The following GSDME variants were observed in gnomAD, a reference collection of about 807,000 sequenced individuals.
GSDME encodes the protein gasdermin-E.
A neutral mutation model predicts 47.5 loss-of-function variants in GSDME; 44 were observed. The observed-to-expected ratio is 0.93, with a 90% CI of 0.73 to 1.19. The LOEUF (loss-of-function observed/expected upper bound fraction) is 1.19. GSDME is among the 50% of genes most tolerant of loss of function. The pLI is 0.00. For synonymous variants in GSDME, 258 were observed against 252.8 expected (o/e 1.02, Z -0.20); for missense variants, 663 against 604.2 (o/e 1.10, Z -1.02).
In GSDME at chr7:24,745,981, G is replaced by A. The variant is rs1790654853; in HGVS notation, c.212-1227C>T. ...CATTGTCCTGACCCAAGGCTCTCCT[G>A]GGCTCCCGGCTGCCCTTCACAGGGG... On this transcript the variant is annotated intron_variant, in intron 2 of 9. Transcript: ENST00000645220. This position sits in a 1 kb window ranked among gnomAD's most constrained non-coding sequence, Gnocchi z 4.4. 6.6e-6 allele frequency among the ~76,000 whole-genome samples: 1 copy of A among 152,130 alleles called. No individual in the cohort carries two copies.
At chr7:24,760,679 C>T (rs945737892), upstream of GSDME, among the ~76,000 whole-genome samples, 15 of 151,754 alleles carry the variant, frequency 9.9e-5, no homozygotes, top group African/African-American at 3.7e-4. The surrounding 1 kb of genome is among the most constrained non-coding windows in gnomAD (Gnocchi z 4.2). Flanking sequence ...AGGAACATAG[C>T]TACTAACATA....
chr7:24,789,690 T>C, the GSDME span, among the ~76,000 whole-genome samples: 2 of 152,246 alleles, frequency 1.3e-5, no homozygotes, highest in African/African-American at 4.8e-5. Flanking sequence ...TTGCTGCTTC[T>C]TTCTTTGGAG....
intron 4 of GSDME, among the ~76,000 whole-genome samples, chr7:24,718,516 C>T (rs1364218383): frequency 1.3e-5 from 2 of 152,226 alleles, no homozygotes; most frequent in Admixed American, 6.5e-5. Flanking sequence ...GTGAGAGCCC[C>T]AGCTCTGAGA....
the GSDME span, among the ~76,000 whole-genome samples, chr7:24,788,078 A>T: frequency 1.3e-5 from 2 of 152,238 alleles, no homozygotes. The surrounding 1 kb of genome is among the most constrained non-coding windows in gnomAD (Gnocchi z 4.6). Flanking sequence ...GCACTGAACA[A>T]ATTCTACCCT....
At chr7:24,758,649 C>A (rs1353904891), upstream of GSDME, among the ~76,000 whole-genome samples, 1 of 152,180 alleles carries the variant, frequency 6.6e-6, no homozygotes, top group East Asian at 1.9e-4. The surrounding 1 kb of genome is among the most constrained non-coding windows in gnomAD (Gnocchi z 4.6). Flanking sequence ...CCTTGGGCCC[C>A]GCTATGCTTT....
the GSDME span, among the ~76,000 whole-genome samples, chr7:24,766,290 C>CTTTATTTA: frequency 0.018 from 2,745 of 150,360 alleles, 80 homozygotes; most frequent in African/African-American, 0.06. This position sits in a 1 kb window ranked among gnomAD's most constrained non-coding sequence, Gnocchi z 4.2. Context: ...CTGCACAACA[C>CTTTATTTA]TTTATTTATT....
At chr7:24,791,198 C>A in the GSDME span, among the ~76,000 whole-genome samples, 1 of 152,008 alleles carries the variant, frequency 6.6e-6, no homozygotes, top group African/African-American at 2.4e-5. This position sits in a 1 kb window ranked among gnomAD's most constrained non-coding sequence, Gnocchi z 4.8. Context: ...TCCTTTTCAC[C>A]GTGGCTGCAA....
At chr7:24,706,577 C>T (rs892733138) in intron 7 of GSDME, among the ~76,000 whole-genome samples, 1 of 152,212 alleles carries the variant, frequency 6.6e-6, no homozygotes, top group Non-Finnish European at 1.5e-5. Flanking sequence ...TGAACCTGGC[C>T]CACGAGGGTT....
At chr7:24,750,595 A>G (rs552669822) in intron 1 of GSDME, among the ~76,000 whole-genome samples, 1 of 152,220 alleles carries the variant, frequency 6.6e-6, no homozygotes, top group Non-Finnish European at 1.5e-5. Flanking sequence ...TCTGGGTGAC[A>G]GTGCAAGATT....
At position 24,735,141 on chromosome 7, in the gene GSDME, C is replaced by A. The variant is rs1790262169; in HGVS notation, c.404+9421G>T. Among the ~76,000 whole-genome samples, 1 of 152,150 alleles carries A rather than the reference C, an allele frequency of 6.6e-6. No individual in the cohort carries two copies. The highest frequency in any genetic ancestry group is 2.1e-4 in the South Asian group (1 of 4,830). On this transcript the variant is annotated intron_variant, in intron 3 of 9. Coordinates refer to ENST00000645220, the MANE Select transcript of GSDME (RefSeq NM_001127453.2). This position sits in a 1 kb window ranked among gnomAD's most constrained non-coding sequence, Gnocchi z 4.4. ...TAAAGGCCAGGAGAGAGTGGCATGA[C>A]ATATCTAAAGTGCTGAAGGAAAAAA...
chr7:24,748,160 A>T lies in GSDME; in HGVS notation c.211+1404T>A, dbSNP rs867537758. 8.5e-3 allele frequency among the ~76,000 whole-genome samples: 820 copies of T among 96,964 alleles called. 8 individuals are homozygous for T. Among genetic ancestry groups the T allele is most frequent in the Middle Eastern group, 0.016 (3 of 184 alleles). 63.6% of individuals were successfully genotyped at this position (96,964 alleles called of 152,430 possible). On this transcript the variant is annotated intron_variant, in intron 2 of 9. Coordinates refer to ENST00000645220, the MANE Select transcript of GSDME (RefSeq NM_001127453.2). ...TTATATAGAGTATATATATATATAT[A>T]TATATATATTTTTTTTTGAGATGGA...
At chr7:24,782,981 T>C in the GSDME span, among the ~76,000 whole-genome samples, 1 of 152,254 alleles carries the variant, frequency 6.6e-6, no homozygotes, top group Non-Finnish European at 1.5e-5. Context: ...GAGGGAAGAA[T>C]AGCTTTGCTT....
the GSDME span, among the ~76,000 whole-genome samples, chr7:24,772,631 G>T: frequency 0.27 from 40,909 of 152,040 alleles, 5,750 homozygotes; most frequent in African/African-American, 0.33. This position sits in a 1 kb window ranked among gnomAD's most constrained non-coding sequence, Gnocchi z 4.5. Context: ...GCATGCATTT[G>T]GTGCCTAATA....
At chr7:24,706,494 G>A (rs950499435) in intron 7 of GSDME, 118 bp from the exon 8 acceptor site, 24 of 938,912 alleles carry the variant, frequency 2.6e-5, no homozygotes, top group African/African-American at 6.6e-5. Flanking sequence ...AGGAAAGTAC[G>A]ACCCGCAGCT....
At chr7:24,785,282 T>G in the GSDME span, among the ~76,000 whole-genome samples, 9 of 152,154 alleles carry the variant, frequency 5.9e-5, no homozygotes, top group Admixed American at 3.3e-4. Context: ...TTGCAGATCC[T>G]TTGGATATAG....
chr7:24,743,869 C>G (rs1419477544), intron 3 of GSDME: 1 of 153,486 alleles, frequency 6.5e-6, no homozygotes, highest in African/African-American at 2.4e-5. Flanking sequence ...CGATTCCCAT[C>G]AACCTACTGC....
chr7:24,778,816 C>T, the GSDME span, among the ~76,000 whole-genome samples: 1 of 152,220 alleles, frequency 6.6e-6, no homozygotes, highest in Non-Finnish European at 1.5e-5. The surrounding 1 kb of genome is among the most constrained non-coding windows in gnomAD (Gnocchi z 5.6). Context: ...TAGCAGGAAT[C>T]TGGGAAATGC....
chr7:24,699,197 T>C lies in GSDME; in HGVS notation c.1320A>G (p.Lys440=). Residue 440 remains lysine, a synonymous_variant, in exon 10 of 10, where the codon AAA becomes AAG. Coordinates refer to ENST00000645220, the MANE Select transcript of GSDME (RefSeq NM_001127453.2). The part of the protein sequence containing the change: ...DLEDPTLTPL[K]DTERFGIVQR... ...GCACAATCCCAAACCTTTCTGTATC[T>C]TTCAGGGGAGTCAAGGTTGGGTCTT... 6.2e-7 allele frequency: 1 copy of C among 1,614,204 alleles called. No homozygotes were observed. Among genetic ancestry groups the C allele is most frequent in the Non-Finnish European group, 8.5e-7 (1 of 1,180,036 alleles).
chr7:24,715,656 T>C (rs1431880032), intron 5 of GSDME: 8 of 314,950 alleles, frequency 2.5e-5, no homozygotes, highest in African/African-American at 1.6e-4. Context: ...ATCCTCTTCA[T>C]GATGCACTTT....
Sources: gnomAD v4.1 joint callset for allele counts (sites outside exome capture counted in the v4.1 genomes callset) on GRCh38, gnomAD v4.1.1 for gene constraint, Gnocchi (gnomAD v3.1) non-coding constraint, MANE v1.5 for transcripts, NCBI Gene and HGNC (gene_info 2026-07-23, HGNC 2026-07-21) for gene names.